NPAS3: variants seen among roughly 807,000 people sequenced by gnomAD.
NPAS3 encodes the protein neuronal PAS domain protein 3.
In NPAS3, 14 loss-of-function variants were observed where a neutral mutation model predicts 73.1. The ratio of observed to expected loss-of-function variants is 0.19; its 90% confidence interval spans 0.13 to 0.30. NPAS3 has a LOEUF of 0.30. Among genes scored for constraint, NPAS3 ranks in the 10% least tolerant of loss-of-function variants. The probability of loss-of-function intolerance (pLI) is 1.00; values close to 1 mark genes in which losing one functional copy is unlikely to be tolerated. For synonymous variants in NPAS3, 620 were observed against 541.5 expected (o/e 1.14, Z -2.01); for missense variants, 1,096 against 1,250.0 (o/e 0.88, Z 1.86).
chr14:33,271,571 T>A (rs575312355), intron 3 of NPAS3, among the ~76,000 whole-genome samples: 1 of 152,212 alleles, frequency 6.6e-6, no homozygotes, highest in East Asian at 1.9e-4. Context: ...GCCTTGTAGA[T>A]AACATGCTTA....
At chr14:33,416,474 A>G (rs567221136) in intron 4 of NPAS3, among the ~76,000 whole-genome samples, 1 of 152,064 alleles carries the variant, frequency 6.6e-6, no homozygotes, top group South Asian at 2.1e-4. Context: ...AACACAAATA[A>G]CATAGGAAAG....
chr14:33,550,649 T>A (rs1002513970), intron 4 of NPAS3, among the ~76,000 whole-genome samples: 4 of 152,218 alleles, frequency 2.6e-5, no homozygotes, highest in Non-Finnish European at 1.5e-5. Flanking sequence ...GAAAGAAGGT[T>A]AGCAAAGCAG....
At chr14:33,722,608 TA>T (rs2061146695) in intron 6 of NPAS3, among the ~76,000 whole-genome samples, 1 of 151,988 alleles carries the variant, frequency 6.6e-6, no homozygotes, top group African/African-American at 2.4e-5. Flanking sequence ...TTTGTTTAGG[TA>T]TTAAGATGGA....
chr14:33,260,209 C>T (rs1360140126), intron 3 of NPAS3, among the ~76,000 whole-genome samples: 1 of 152,074 alleles, frequency 6.6e-6, no homozygotes, highest in Non-Finnish European at 1.5e-5. Context: ...TTCTTAGATC[C>T]TTATGTTTGT....
chr14:33,614,487 G>C (rs1233333549), intron 5 of NPAS3, among the ~76,000 whole-genome samples: 1 of 152,202 alleles, frequency 6.6e-6, no homozygotes, highest in African/African-American at 2.4e-5. Flanking sequence ...CACAGCCCTG[G>C]AGAGGTGAGG....
chr14:33,231,532 T>C (rs1259074791), intron 3 of NPAS3, among the ~76,000 whole-genome samples: 1 of 152,224 alleles, frequency 6.6e-6, no homozygotes, highest in African/African-American at 2.4e-5. Flanking sequence ...TGTTCTAGTA[T>C]GGTGATCTAT....
chr14:33,247,294 A>C (rs1019816520), intron 3 of NPAS3, among the ~76,000 whole-genome samples: 1 of 152,036 alleles, frequency 6.6e-6, no homozygotes, highest in Non-Finnish European at 1.5e-5. Flanking sequence ...TCTGATTTTG[A>C]CTCTTTGGGG....
chr14:33,726,914 A>C (rs540966981), intron 6 of NPAS3, among the ~76,000 whole-genome samples: 118 of 152,308 alleles, frequency 7.7e-4, no homozygotes, highest in African/African-American at 2.7e-3. Flanking sequence ...CTGCACGTGG[A>C]GAGTGACACT....
chr14:33,607,274 C>A (rs1484064599), intron 5 of NPAS3, among the ~76,000 whole-genome samples: 1 of 152,074 alleles, frequency 6.6e-6, no homozygotes, highest in Non-Finnish European at 1.5e-5. Flanking sequence ...TTCCAGACGT[C>A]CATTACTAGG....
At chr14:33,027,014 A>T (rs2039828606) in intron 1 of NPAS3, among the ~76,000 whole-genome samples, 1 of 152,062 alleles carries the variant, frequency 6.6e-6, no homozygotes, top group African/African-American at 2.4e-5. Flanking sequence ...GTGGTGTTAG[A>T]TGTGATGTGC....
chr14:33,596,375 G>C (rs924544133), intron 5 of NPAS3, among the ~76,000 whole-genome samples: 5 of 152,190 alleles, frequency 3.3e-5, no homozygotes, highest in African/African-American at 9.6e-5. Context: ...TGTATAAACA[G>C]AAAATTACTC....
At chr14:33,014,588 G>T (rs556729943) in intron 1 of NPAS3, among the ~76,000 whole-genome samples, 1 of 152,074 alleles carries the variant, frequency 6.6e-6, no homozygotes, top group Non-Finnish European at 1.5e-5. Flanking sequence ...GAAAACTTAG[G>T]ATATTAAAAT....
chr14:33,711,485 T>G (rs1396001315), intron 6 of NPAS3, among the ~76,000 whole-genome samples: 1 of 152,174 alleles, frequency 6.6e-6, no homozygotes, highest in Admixed American at 6.5e-5. Context: ...AGAATGTTGT[T>G]TCCTGTACGC....
At chr14:33,198,490 A>C (rs2046469769) in intron 2 of NPAS3, among the ~76,000 whole-genome samples, 2 of 152,180 alleles carry the variant, frequency 1.3e-5, no homozygotes, top group Admixed American at 1.3e-4. Flanking sequence ...CCAAGTCCTC[A>C]CCAGATTAAC....
At chr14:32,991,474 A>G (rs1253108875) in intron 1 of NPAS3, among the ~76,000 whole-genome samples, 1 of 152,190 alleles carries the variant, frequency 6.6e-6, no homozygotes, top group Non-Finnish European at 1.5e-5. Flanking sequence ...TGTACAAGGT[A>G]GTGGTCTCCT....
At chr14:33,531,544 T>C (rs2054044533) in intron 4 of NPAS3, among the ~76,000 whole-genome samples, 1 of 152,142 alleles carries the variant, frequency 6.6e-6, no homozygotes, top group Non-Finnish European at 1.5e-5. Context: ...GGTATGCCTA[T>C]GTACAGCTGT....
intron 9 of NPAS3, 35 bp downstream of exon 9, chr14:33,778,607 T>C (rs1380383162): frequency 1.4e-6 from 2 of 1,399,594 alleles, no homozygotes; most frequent in Non-Finnish European, 2.0e-6. Flanking sequence ...TAACCCCGGC[T>C]GGTGTCAGCA....
chr14:33,261,313 G>T (rs895089846), intron 3 of NPAS3, among the ~76,000 whole-genome samples: 1 of 137,882 alleles, frequency 7.3e-6, no homozygotes, highest in Non-Finnish European at 1.6e-5. Flanking sequence ...AAAAAAAAAA[G>T]AACTCATTTT....
chr14:33,792,892 G>T (rs1044984089), intron 9 of NPAS3, among the ~76,000 whole-genome samples: 1 of 152,198 alleles, frequency 6.6e-6, no homozygotes, highest in Non-Finnish European at 1.5e-5. Context: ...GTGAGCTTTC[G>T]CGGGGCGCCG....
Sources: allele counts gnomAD v4.1 joint callset (sites outside exome capture counted in the v4.1 genomes callset), GRCh38; gene constraint gnomAD v4.1.1; transcripts MANE v1.5; gene names NCBI Gene and HGNC (gene_info 2026-07-23, HGNC 2026-07-21).